STK39: variants seen among roughly 807,000 people sequenced by gnomAD.
STK39 encodes serine/threonine kinase 39.
STK39 carries 20 observed loss-of-function variants against 77.8 expected under a neutral mutation model. The observed-to-expected ratio is 0.26, with a 90% CI of 0.18 to 0.37. The LOEUF (loss-of-function observed/expected upper bound fraction) is 0.37. STK39 is among the 10% of genes least tolerant of loss of function. STK39 has a pLI of 1.00. For missense variants in STK39, 479 were observed against 656.5 expected, an observed-to-expected ratio of 0.73 and a Z score of 2.95; for synonymous variants, 246 against 234.1, an observed-to-expected ratio of 1.05 and a Z score of -0.47.
At chr2:168,226,101 G>C (rs1381188368) in intron 1 of STK39, among the ~76,000 whole-genome samples, 1 of 152,164 alleles carries the variant, frequency 6.6e-6, no homozygotes, top group Non-Finnish European at 1.5e-5. Context: ...TGCACAGATA[G>C]TAGGTAAGAA....
chr2:168,198,498 T>G (rs976136485), intron 1 of STK39, among the ~76,000 whole-genome samples: 2 of 152,220 alleles, frequency 1.3e-5, no homozygotes, highest in African/African-American at 4.8e-5. Flanking sequence ...CTCATTACAT[T>G]GCTTATAAAA....
Position 168,167,279 on chromosome 2 carries a change from C to G in STK39, c.430+20G>C. ...GGAGAGAAAACAAGCAAATAAATAACAACAACAAAATCCACTTACCTCCAC... is the reference window on the plus strand; with the variant it reads ...GGAGAGAAAACAAGCAAATAAATAAGAACAACAAAATCCACTTACCTCCAC... On this transcript the variant is annotated intron_variant, in intron 3 of 17. Coordinates refer to ENST00000355999, the MANE Select transcript of STK39 (RefSeq NM_013233.3). 2 of 1,599,796 alleles carry G rather than the reference C, an allele frequency of 1.3e-6. No individual in the cohort carries two copies. The highest frequency in any genetic ancestry group is 1.7e-4 in the Middle Eastern group (1 of 6,018).
At chr2:168,114,888 G>A (rs1488409771) in intron 10 of STK39, among the ~76,000 whole-genome samples, 8 of 152,192 alleles carry the variant, frequency 5.3e-5, no homozygotes, top group African/African-American at 1.9e-4. Flanking sequence ...AGAGATTACA[G>A]TGACAGAGTA....
At chr2:167,998,597 C>G (rs1683912492) in intron 16 of STK39, among the ~76,000 whole-genome samples, 1 of 149,722 alleles carries the variant, frequency 6.7e-6, no homozygotes, top group Admixed American at 6.6e-5. Flanking sequence ...AGAAGATGCC[C>G]GTGATTAATG....
chr2:167,987,796 A>G (rs2105277656), intron 16 of STK39, among the ~76,000 whole-genome samples: 1 of 152,328 alleles, frequency 6.6e-6, no homozygotes, highest in East Asian at 1.9e-4. Flanking sequence ...CAAGTCCCTG[A>G]GTTGACAGTT....
At chr2:168,038,969 C>T (rs1685029840) in intron 14 of STK39, among the ~76,000 whole-genome samples, 1 of 152,196 alleles carries the variant, frequency 6.6e-6, no homozygotes, top group Admixed American at 6.5e-5. Context: ...GGAAAATCCA[C>T]TTTGCAAAAC....
At chr2:168,088,104 G>A (rs1290602525) in intron 10 of STK39, among the ~76,000 whole-genome samples, 2 of 152,054 alleles carry the variant, frequency 1.3e-5, no homozygotes, top group Non-Finnish European at 2.9e-5. Flanking sequence ...GATTTTTGTG[G>A]AATGGAAACT....
intron 11 of STK39, 25 bp from the exon 12 acceptor site, chr2:168,075,036 AATAT>A: frequency 5.6e-6 from 9 of 1,613,666 alleles, no homozygotes; most frequent in Non-Finnish European, 6.8e-6. Flanking sequence ...TGTATCCATT[AATAT>A]ATATACACAC....
chr2:168,193,877 G>A (rs1032264594), intron 1 of STK39, among the ~76,000 whole-genome samples: 1 of 152,170 alleles, frequency 6.6e-6, no homozygotes, highest in Non-Finnish European at 1.5e-5. Flanking sequence ...CACAGAGGTG[G>A]CATAACTTCC....
chr2:168,182,201 C>A, intron 1 of STK39, 111 bp from the exon 2 acceptor site: 1 of 699,582 alleles, frequency 1.4e-6, no homozygotes, highest in South Asian at 1.9e-5. Context: ...TCAGCGTATT[C>A]AGAACATTAC....
rs1048880781 is a variant in STK39 at position 168,156,771 on chromosome 2, G to C, written c.628+5016C>G. On this transcript the variant is annotated intron_variant, in intron 5 of 17. Coordinates refer to ENST00000355999, the MANE Select transcript of STK39 (RefSeq NM_013233.3). ...ACTGAACTATGGCTGTCTGGTGTCA[G>C]AGCCCATGCTCTGGGCCAAGGTGCT... Among the ~76,000 whole-genome samples, 3 of 152,332 alleles carry C rather than the reference G, an allele frequency of 2.0e-5. No homozygotes were observed. In the East Asian group the frequency reaches 5.8e-4, roughly 29 times the overall value.
Position 167,955,395 on chromosome 2 carries a change from G to A in STK39, c.*101C>T. 9.8e-6 allele frequency: 11 copies of A among 1,117,832 alleles called. No homozygotes were observed. Among genetic ancestry groups the A allele is most frequent in the Non-Finnish European group, 1.4e-5 (11 of 770,102 alleles). The allele number at this position is 1,117,832 out of a possible 1,614,324, so 69.2% of individuals were successfully genotyped here. A position where few individuals can be genotyped will look rare whatever the true frequency, so the allele number is the denominator to read the frequency against. ...ATCTTCTGATTTTGCTAGGAAATGGGAGTGAGGGGGTGGGAGGAAATGGGC... is the reference window on the plus strand; with the variant it reads ...ATCTTCTGATTTTGCTAGGAAATGGAAGTGAGGGGGTGGGAGGAAATGGGC... On this transcript the variant is annotated 3_prime_UTR_variant, in exon 18 of 18. Transcript: ENST00000355999.
chr2:168,010,687 T>C (rs899731947), intron 16 of STK39, among the ~76,000 whole-genome samples: 4 of 152,216 alleles, frequency 2.6e-5, no homozygotes, highest in African/African-American at 9.7e-5. Context: ...GTAGAGTTAA[T>C]GTATAATCAG....
At chr2:168,232,911 C>CG (rs1690497213) in intron 1 of STK39, among the ~76,000 whole-genome samples, 1 of 144,214 alleles carries the variant, frequency 6.9e-6, no homozygotes, top group South Asian at 2.2e-4. Flanking sequence ...GATGCTGTCT[C>CG]AAAAAAAAAA....
rs192780744 is a variant in STK39 at position 168,050,592 on chromosome 2, C to G, written c.1376+12908G>C. Among the ~76,000 whole-genome samples, 4 of 152,274 alleles carry G rather than the reference C, an allele frequency of 2.6e-5. No homozygotes were observed. In the East Asian group the frequency reaches 5.8e-4, roughly 22 times the overall value. On this transcript the variant is annotated intron_variant, in intron 14 of 17. Transcript: ENST00000355999. ...GAAGCAAGGCCAGAGAGATGTTAAG[C>G]TGCTGGCTTTGCAGATGGCAGAAGG...
chr2:168,057,144 A>G (rs1048142768), intron 14 of STK39, among the ~76,000 whole-genome samples: 5 of 152,214 alleles, frequency 3.3e-5, no homozygotes, highest in Admixed American at 6.5e-5. Flanking sequence ...AGTGTTTCTA[A>G]GATGGTGGCC....
intron 14 of STK39, among the ~76,000 whole-genome samples, chr2:168,027,028 G>A (rs1684715463): frequency 6.6e-6 from 1 of 152,132 alleles, no homozygotes; most frequent in Non-Finnish European, 1.5e-5. Context: ...ATGTTGAAAT[G>A]TTTTTTATAA....
chr2:168,213,192 T>G (rs1263477390), intron 1 of STK39, among the ~76,000 whole-genome samples: 2 of 152,108 alleles, frequency 1.3e-5, no homozygotes, highest in South Asian at 2.1e-4. Context: ...CATAAGAACA[T>G]AGCGCTGAAT....
At chr2:168,070,587 C>A in intron 12 of STK39, among the ~76,000 whole-genome samples, 1 of 98,604 alleles carries the variant, frequency 1.0e-5, no homozygotes, top group African/African-American at 3.9e-5. Context: ...TAATGCTATC[C>A]CTCCCCCCTC....
Sources: gnomAD v4.1 joint callset for allele counts (sites outside exome capture counted in the v4.1 genomes callset) on GRCh38, gnomAD v4.1.1 for gene constraint, MANE v1.5 for transcripts, NCBI Gene and HGNC (gene_info 2026-07-23, HGNC 2026-07-21) for gene names.